MCPH1: variants seen among roughly 807,000 people sequenced by gnomAD.
MCPH1 encodes the protein microcephalin.
In MCPH1, 104 loss-of-function variants were observed where a neutral mutation model predicts 84.5. That is an observed-to-expected ratio of 1.23 (90% CI 1.05 to 1.45). The LOEUF is 1.45. Among genes scored for constraint, MCPH1 ranks in the 40% most tolerant of loss-of-function variants. MCPH1 has a pLI of 0.00. For synonymous variants in MCPH1, 514 were observed against 366.8 expected, an observed-to-expected ratio of 1.40 and a Z score of -4.58; for missense variants, 1,498 against 1,005.7, an observed-to-expected ratio of 1.49 and a Z score of -6.62.
Position 6,445,638 on chromosome 8 carries a change from T to C in MCPH1, c.1825+91T>C, listed in dbSNP as rs929201665. ...AAATTTATCACAACTTTTTCATAAC[T>C]TATTTCCCCATTTACTCCTCTTTTT... On this transcript the variant is annotated intron_variant, in intron 8 of 13. Transcript: ENST00000344683. 253 of 1,491,834 alleles carry C rather than the reference T, an allele frequency of 1.7e-4. 2 individuals carry two copies. In the South Asian group the frequency reaches 3.5e-3, roughly 21 times the overall value. The allele number at this position is 1,491,834 out of a possible 1,614,324, so 92.4% of individuals were successfully genotyped here. A position where few individuals can be genotyped will look rare whatever the true frequency, so the allele number is the denominator to read the frequency against.
chr8:6,429,270 T>C (rs984221635), intron 3 of MCPH1, among the ~76,000 whole-genome samples: 14 of 152,210 alleles, frequency 9.2e-5, no homozygotes, highest in Non-Finnish European at 1.5e-4. Context: ...CCAGAGCTTC[T>C]CAGGCTCCAC....
intron 8 of MCPH1, among the ~76,000 whole-genome samples, chr8:6,452,646 G>A (rs571723728): frequency 1.3e-5 from 2 of 152,176 alleles, no homozygotes; most frequent in Non-Finnish European, 2.9e-5. Flanking sequence ...TGAAGATGGG[G>A]GCTTCATGAT....
intron 12 of MCPH1, among the ~76,000 whole-genome samples, chr8:6,535,619 C>T (rs1820343270): frequency 6.6e-6 from 1 of 152,078 alleles, no homozygotes; most frequent in South Asian, 2.1e-4. Context: ...ATATATACAG[C>T]TCTTGAAGCA....
intron 12 of MCPH1, among the ~76,000 whole-genome samples, chr8:6,582,292 C>G (rs1370738051): frequency 6.6e-6 from 1 of 152,228 alleles, no homozygotes; most frequent in Non-Finnish European, 1.5e-5. Flanking sequence ...GGTTGGGCAT[C>G]AGCCACTTTA....
intron 12 of MCPH1, among the ~76,000 whole-genome samples, chr8:6,607,913 C>A (rs940296803): frequency 2.0e-5 from 3 of 152,196 alleles, no homozygotes; most frequent in Admixed American, 2.0e-4. Context: ...ATACACCTAC[C>A]AGGCCCGGAT....
intron 13 of MCPH1, among the ~76,000 whole-genome samples, chr8:6,637,158 G>A (rs1797613872): frequency 6.6e-6 from 1 of 152,200 alleles, no homozygotes; most frequent in Non-Finnish European, 1.5e-5. Flanking sequence ...CATATCCTAG[G>A]CACTGCAGGT....
At chr8:6,430,821 G>C (rs1801733552) in intron 3 of MCPH1, among the ~76,000 whole-genome samples, 2 of 152,216 alleles carry the variant, frequency 1.3e-5, no homozygotes, top group Non-Finnish European at 2.9e-5. Flanking sequence ...AGGAATGTAT[G>C]AGTGAATTAG....
chr8:6,628,514 A>G (rs1796925090), intron 13 of MCPH1, among the ~76,000 whole-genome samples: 1 of 152,020 alleles, frequency 6.6e-6, no homozygotes, highest in African/African-American at 2.4e-5. Flanking sequence ...CAGACCAAAA[A>G]AATCCTAGAA....
At chr8:6,638,585 A>G (rs1392657075) in intron 13 of MCPH1, among the ~76,000 whole-genome samples, 2 of 152,026 alleles carry the variant, frequency 1.3e-5, no homozygotes, top group African/African-American at 4.8e-5. Context: ...ATTTAAAAAA[A>G]AAAAAAAAAA....
chr8:6,469,233 C>G (rs1046762096), intron 9 of MCPH1, among the ~76,000 whole-genome samples: 2 of 151,832 alleles, frequency 1.3e-5, no homozygotes, highest in African/African-American at 2.4e-5. Flanking sequence ...TACACTGAAC[C>G]CATCTTTAGA....
In MCPH1 at chr8:6,444,833, T is replaced by C; in HGVS notation, c.1111T>C (p.Cys371Arg). The change falls in exon 8 of 14, where the codon TGC becomes CGC. Residue 371 changes from cysteine (C) to arginine (R), a missense_variant. Coordinates refer to ENST00000344683, the MANE Select transcript of MCPH1 (RefSeq NM_024596.5). Reference sequence around the variant, plus strand: ...CTCCCATTCACCTCCGAAGGAAAAATGCAAGAGAAAGAGGAGCACCAGGAG... The same window carrying C: ...CTCCCATTCACCTCCGAAGGAAAAACGCAAGAGAAAGAGGAGCACCAGGAG... The part of the protein sequence containing the change: ...HGSHSPPKEK[C>R]KRKRSTRRSI... 1 of 1,613,926 alleles carries C rather than the reference T, an allele frequency of 6.2e-7. No homozygotes were observed. Among genetic ancestry groups the C allele is most frequent in the East Asian group, 2.2e-5 (1 of 44,862 alleles).
intron 12 of MCPH1, among the ~76,000 whole-genome samples, chr8:6,512,127 T>G (rs1397432524): frequency 6.6e-6 from 1 of 152,196 alleles, no homozygotes; most frequent in African/African-American, 2.4e-5. Context: ...ATAATGAGAA[T>G]AGTGAATATG....
chr8:6,621,706 A>C lies in MCPH1; in HGVS notation c.2452+15A>C. The C allele has an allele frequency of 6.2e-7, 1 of 1,614,030 alleles. No individual in the cohort carries two copies. Among genetic ancestry groups the C allele is most frequent in the Non-Finnish European group, 8.5e-7 (1 of 1,180,004 alleles). On this transcript the variant is annotated intron_variant, in intron 13 of 13. Transcript: ENST00000344683. ...ATGGGTCTTAGGTAAGAATCCAGGC[A>C]CACAGACGCTGTGGTGTGGTCCAGA... is the stretch of plus-strand genomic sequence containing the variant.
At chr8:6,495,078 C>G (rs1811088865) in intron 11 of MCPH1, among the ~76,000 whole-genome samples, 1 of 152,110 alleles carries the variant, frequency 6.6e-6, no homozygotes. Flanking sequence ...ATATTATTGG[C>G]TTGAAATTTT....
At chr8:6,462,642 C>T (rs932515954) in intron 9 of MCPH1, among the ~76,000 whole-genome samples, 1 of 152,174 alleles carries the variant, frequency 6.6e-6, no homozygotes, top group South Asian at 2.1e-4. Context: ...GGGTTCAGTC[C>T]CATCTCTGTT....
intron 12 of MCPH1, chr8:6,513,720 A>G (rs1156701588): frequency 6.2e-7 from 1 of 1,613,344 alleles, no homozygotes; most frequent in Non-Finnish European, 8.5e-7. Flanking sequence ...ATGTTCATAC[A>G]ATGAGTAAGC....
intron 2 of MCPH1, among the ~76,000 whole-genome samples, chr8:6,411,090 C>T (rs977964202): frequency 2.6e-5 from 4 of 151,820 alleles, no homozygotes; most frequent in Admixed American, 6.6e-5. Flanking sequence ...ATTCTGTCTC[C>T]AAAAACCAAA....
intron 12 of MCPH1, among the ~76,000 whole-genome samples, chr8:6,522,437 A>G (rs968396431): frequency 8.5e-5 from 13 of 152,088 alleles, no homozygotes; most frequent in Non-Finnish European, 8.8e-5. Flanking sequence ...TAACGTTAAT[A>G]TAGACATTAT....
intron 8 of MCPH1, among the ~76,000 whole-genome samples, chr8:6,452,299 A>C (rs1456180818): frequency 1.3e-5 from 2 of 152,230 alleles, no homozygotes; most frequent in Non-Finnish European, 2.9e-5. Flanking sequence ...GTGAGTGATC[A>C]TTTACTAGCT....
Sources: allele counts gnomAD v4.1 joint callset (sites outside exome capture counted in the v4.1 genomes callset), GRCh38; gene constraint gnomAD v4.1.1; transcripts MANE v1.5; gene names NCBI Gene and HGNC (gene_info 2026-07-23, HGNC 2026-07-21).